The following MGAM variants were observed in gnomAD, a reference collection of about 807,000 sequenced individuals.
MGAM encodes the protein alpha-1,4-glucosidase.
MGAM carries 253 observed loss-of-function variants against 358.8 expected under a neutral mutation model. The ratio of observed to expected loss-of-function variants is 0.71; its 90% CI spans 0.64 to 0.78. The LOEUF is 0.78. Among genes scored for constraint, MGAM ranks in the 30% least tolerant of loss-of-function variants. The pLI is 0.00. For missense variants in MGAM, 3,080 were observed against 3,432.6 expected, an observed-to-expected ratio of 0.90 and a Z score of 2.57; for synonymous variants, 1,105 against 1,227.1, an observed-to-expected ratio of 0.90 and a Z score of 2.08.
At chr7:142,079,426 C>T (rs147661301) in intron 49 of MGAM, among the ~76,000 whole-genome samples, 15 of 145,494 alleles carry the variant, frequency 1.0e-4, no homozygotes, top group South Asian at 2.2e-4. Context: ...ATGATGACCG[C>T]GTTGGTATCT....
chr7:142,046,134 T>C (rs546802218), intron 21 of MGAM, among the ~76,000 whole-genome samples: 8 of 145,292 alleles, frequency 5.5e-5, no homozygotes, highest in African/African-American at 1.5e-4. Context: ...ATTATATATT[T>C]ATATATTATA....
At chr7:142,063,474 G>A (rs1286661526) in intron 35 of MGAM, 25 bp from the exon 36 acceptor site, 3 of 1,608,572 alleles carry the variant, frequency 1.9e-6, no homozygotes, top group Non-Finnish European at 1.7e-6. Flanking sequence ...AAAAAGTGAG[G>A]TATGTCTGTG....
Position 142,092,424 on chromosome 7 carries a change from T to C in MGAM, c.6946-97T>C, listed in dbSNP as rs1221777653. 4.9e-6 allele frequency: 6 copies of C among 1,214,812 alleles called. No individual in the cohort carries two copies. In the African/African-American group the frequency reaches 7.1e-5, roughly 14 times the overall value. 75.3% of individuals were successfully genotyped at this position (1,214,812 alleles called of 1,614,324 possible). A position where few individuals can be genotyped will look rare whatever the true frequency, so the allele number is the denominator to read the frequency against. On this transcript the variant is annotated intron_variant, in intron 58 of 70. Transcript: ENST00000475668. ...CAGGGCTGGCATCTATAGGGATTAC[T>C]GGATGTTGAACAATGTATTCACTGC...
At chr7:142,013,320 G>A (rs1018294371) in intron 3 of MGAM, among the ~76,000 whole-genome samples, 1 of 152,056 alleles carries the variant, frequency 6.6e-6, no homozygotes, top group Non-Finnish European at 1.5e-5. Flanking sequence ...CCAGTGGCAG[G>A]AAATGGTTGA....
At chr7:142,096,733 G>A (rs1349780299) in intron 65 of MGAM, among the ~76,000 whole-genome samples, 4 of 152,332 alleles carry the variant, frequency 2.6e-5, no homozygotes, top group Non-Finnish European at 5.9e-5. Flanking sequence ...GTATTGTAAA[G>A]AATTCATAAC....
chr7:142,029,908 A>G (rs1332006525), intron 10 of MGAM, among the ~76,000 whole-genome samples: 3 of 152,212 alleles, frequency 2.0e-5, no homozygotes, highest in African/African-American at 7.2e-5. Flanking sequence ...TAGCATAAAC[A>G]ACAAAGATGT....
chr7:142,008,289 G>A (rs192302066), intron 2 of MGAM, among the ~76,000 whole-genome samples: 65 of 152,276 alleles, frequency 4.3e-4, no homozygotes, highest in African/African-American at 1.3e-3. Flanking sequence ...TCTTGTAGGG[G>A]AGGGAGTTGG....
At chr7:142,026,687 C>T (rs1807005810) in intron 8 of MGAM, among the ~76,000 whole-genome samples, 1 of 152,080 alleles carries the variant, frequency 6.6e-6, no homozygotes, top group Admixed American at 6.6e-5. Flanking sequence ...TAGAGGTACT[C>T]CTTGGAGCAG....
In MGAM at chr7:142,062,915, G is replaced by A. The variant is rs1243528661; in HGVS notation, c.4257+213G>A. Among the ~76,000 whole-genome samples, 8 of 152,150 alleles carry A rather than the reference G, an allele frequency of 5.3e-5. No homozygotes were observed. In the South Asian group the frequency reaches 6.2e-4, roughly 12 times the overall value. On this transcript the variant is annotated intron_variant, in intron 35 of 70. Transcript: ENST00000475668. ...GCTCCTACTGTAAAACCTGTGAGGC[G>A]GGACCAGGCGTGGTGGTTCACGCCT...
intron 21 of MGAM, among the ~76,000 whole-genome samples, chr7:142,046,051 C>T (rs35891390): frequency 0.24 from 14,184 of 58,082 alleles, 4,393 homozygotes; most frequent in African/African-American, 0.59. Flanking sequence ...TATATACATA[C>T]AATATGTAAT....
intron 2 of MGAM, among the ~76,000 whole-genome samples, chr7:141,988,673 A>C (rs1227574598): frequency 2.0e-5 from 3 of 151,966 alleles, no homozygotes; most frequent in Non-Finnish European, 4.4e-5. Context: ...CCAAATGTAA[A>C]GTTTTATGTG....
rs1554465759 is a variant in MGAM, at chr7:142,036,220, A to G, written c.2011A>G (p.Arg671Gly). The stretch of plus-strand genomic sequence containing the variant: ...TTTGGACACCCCTGAGGAGCTCTGT[A>G]GGCGGTGGATGCAGTTGGGTGCATT... ...FALDTPEELC[R>G]RWMQLGAFYP... The change falls in exon 17 of 71, where the codon AGG (arginine) becomes GGG (glycine). Residue 671 changes from arginine to glycine, a missense_variant. Transcript: ENST00000475668. The G allele has an allele frequency of 1.2e-6, 2 of 1,612,558 alleles. No individual in the cohort carries two copies. Among genetic ancestry groups the G allele is most frequent in the Non-Finnish European group, 1.7e-6 (2 of 1,179,354 alleles).
chr7:142,015,010 C>G (rs1805861944), intron 3 of MGAM, among the ~76,000 whole-genome samples: 2 of 152,002 alleles, frequency 1.3e-5, no homozygotes, highest in African/African-American at 4.8e-5. Flanking sequence ...AAATTGATCT[C>G]CAAAGTGGCT....
At chr7:142,065,264 G>A in intron 37 of MGAM, 71 bp from the exon 38 acceptor site, 1 of 1,559,984 alleles carries the variant, frequency 6.4e-7, no homozygotes, top group Non-Finnish European at 8.7e-7. Context: ...CAAGGGCTCT[G>A]GGAGCAGAAG....
In MGAM at chr7:142,022,337, C is replaced by A. The variant is rs376595784; in HGVS notation, c.780C>A (p.Ser260Arg). ...QFLQLSTRLP[S>R]TNVYGLGEHV... is the part of the protein sequence containing the mutation. ...TGCAGCTCTCCACTCGACTGCCTAG[C>A]ACTAACGTGTATGGCCTGGGAGAGC... Residue 260 changes from serine (S) to arginine (R), a missense_variant, in exon 7 of 71, where the codon AGC becomes AGA. Transcript: ENST00000475668. 363 of 1,613,574 alleles carry A rather than the reference C, an allele frequency of 2.2e-4. No individual in the cohort carries two copies. The highest frequency in any genetic ancestry group is 3.0e-4 in the Non-Finnish European group (349 of 1,179,682).
At chr7:141,996,357 TAATA>T (rs1484211904) in intron 1 of MGAM, among the ~76,000 whole-genome samples, 2 of 150,838 alleles carry the variant, frequency 1.3e-5, no homozygotes, top group African/African-American at 4.9e-5. Context: ...ACAACACCAA[TAATA>T]AATCAAAAAT....
chr7:142,045,577 T>TA (rs1810165186), intron 21 of MGAM, among the ~76,000 whole-genome samples: 1 of 74,184 alleles, frequency 1.3e-5, no homozygotes. Context: ...TAATATATAT[T>TA]ATATATACAT....
intron 41 of MGAM, 98 bp from the exon 42 acceptor site, chr7:142,067,243 C>T: frequency 2.9e-6 from 3 of 1,038,746 alleles, no homozygotes; most frequent in Non-Finnish European, 4.4e-6. Context: ...TCAGGGGCAG[C>T]TGTATTTCCG....
chr7:142,022,537 AG>A, intron 7 of MGAM, 98 bp downstream of exon 7: 1 of 1,281,812 alleles, frequency 7.8e-7, no homozygotes, highest in Non-Finnish European at 1.1e-6. Context: ...GTTAGAGTCT[AG>A]AGTGAGACTA....
Sources: gnomAD v4.1 joint callset for allele counts (sites outside exome capture counted in the v4.1 genomes callset) on GRCh38, gnomAD v4.1.1 for gene constraint, MANE v1.5 for transcripts, NCBI Gene and HGNC (gene_info 2026-07-23, HGNC 2026-07-21) for gene names.